Variants in KIAA0825 observed in about 807,000 individuals in gnomAD.
KIAA0825 encodes KIAA0825.
In KIAA0825, 119 loss-of-function variants were observed where a neutral mutation model predicts 147.6. The observed-to-expected ratio is 0.81, with a 90% CI of 0.69 to 0.94. The LOEUF is 0.94. Among genes scored for constraint, KIAA0825 ranks in the 40% least tolerant of loss-of-function variants. The pLI is 0.00. For synonymous variants in KIAA0825, 470 were observed against 518.1 expected (o/e 0.91, Z 1.26); for missense variants, 1,381 against 1,472.7 (o/e 0.94, Z 1.02).
chr5:94,464,190 G>A (rs1760205106), intron 11 of KIAA0825, among the ~76,000 whole-genome samples: 1 of 151,168 alleles, frequency 6.6e-6, no homozygotes, highest in South Asian at 2.1e-4. Context: ...CAAAACAAAA[G>A]GCTTTTCTTC....
chr5:94,610,435 AAAAAAG>A (rs1160157627), intron 1 of KIAA0825, among the ~76,000 whole-genome samples: 38 of 149,114 alleles, frequency 2.5e-4, no homozygotes, highest in East Asian at 7.9e-4. Context: ...TCAAAAAAAA[AAAAAAG>A]AAAAAGAAAA....
chr5:94,597,601 T>A (rs1785541454), intron 1 of KIAA0825, among the ~76,000 whole-genome samples: 1 of 152,170 alleles, frequency 6.6e-6, no homozygotes, highest in African/African-American at 2.4e-5. Flanking sequence ...TACCCTGATA[T>A]CCAAGACAAA....
chr5:94,177,669 C>A (rs547165364), intron 20 of KIAA0825, among the ~76,000 whole-genome samples: 1 of 152,124 alleles, frequency 6.6e-6, no homozygotes, highest in East Asian at 1.9e-4. Flanking sequence ...GGTTGAATGG[C>A]TGCGTATTAT....
intron 20 of KIAA0825, among the ~76,000 whole-genome samples, chr5:94,328,470 A>C (rs1246604576): frequency 1.3e-5 from 2 of 152,058 alleles, no homozygotes; most frequent in Non-Finnish European, 2.9e-5. Flanking sequence ...AAGTGAATAG[A>C]GATTGATATT....
At chr5:94,166,966 C>T (rs939299274) in intron 20 of KIAA0825, among the ~76,000 whole-genome samples, 8 of 151,944 alleles carry the variant, frequency 5.3e-5, no homozygotes, top group Non-Finnish European at 8.8e-5. Flanking sequence ...TTGAGAATAA[C>T]GTTATGAGTA....
At chr5:94,271,067 G>A (rs1776959132) in intron 20 of KIAA0825, among the ~76,000 whole-genome samples, 1 of 152,036 alleles carries the variant, frequency 6.6e-6, no homozygotes, top group Non-Finnish European at 1.5e-5. Context: ...TATTTTACTA[G>A]ACAATTTGAA....
chr5:94,540,758 G>T (rs902597088), intron 2 of KIAA0825, among the ~76,000 whole-genome samples: 2 of 152,152 alleles, frequency 1.3e-5, no homozygotes, highest in Non-Finnish European at 2.9e-5. Flanking sequence ...TAAACATTGG[G>T]TCTAAATTAT....
At chr5:94,323,217 G>A (rs951313541) in intron 20 of KIAA0825, among the ~76,000 whole-genome samples, 5 of 151,818 alleles carry the variant, frequency 3.3e-5, no homozygotes, top group African/African-American at 9.7e-5. Flanking sequence ...AAATCATGAT[G>A]CCATCTGGTT....
intron 20 of KIAA0825, among the ~76,000 whole-genome samples, chr5:94,246,440 C>T (rs973973800): frequency 4.6e-5 from 7 of 152,000 alleles, no homozygotes; most frequent in African/African-American, 1.5e-4. Flanking sequence ...TTTACCACAC[C>T]GTAACCAGAT....
At chr5:94,404,911 G>T (rs1025283460) in intron 15 of KIAA0825, among the ~76,000 whole-genome samples, 1 of 152,106 alleles carries the variant, frequency 6.6e-6, no homozygotes, top group Non-Finnish European at 1.5e-5. Context: ...GGTGACAAGG[G>T]CTGGACAAGA....
intron 20 of KIAA0825, among the ~76,000 whole-genome samples, chr5:94,322,070 A>G (rs555075797): frequency 2.8e-4 from 43 of 151,978 alleles, no homozygotes; most frequent in Admixed American, 9.2e-4. Context: ...ATGTGTTTTT[A>G]GGGTCCTTAA....
At chr5:94,411,772 C>A (rs115610034) in intron 15 of KIAA0825, among the ~76,000 whole-genome samples, 1 of 152,048 alleles carries the variant, frequency 6.6e-6, no homozygotes, top group Non-Finnish European at 1.5e-5. Flanking sequence ...CATAGTGAGA[C>A]CCCACTTCTA....
chr5:94,513,843 GA>G (rs567064770), intron 5 of KIAA0825, among the ~76,000 whole-genome samples: 143 of 131,114 alleles, frequency 1.1e-3, no homozygotes, highest in Middle Eastern at 3.8e-3. Context: ...AGAAAGAATT[GA>G]AAAAAAAAAA....
chr5:94,253,867 A>AT (rs1318086920), intron 20 of KIAA0825, among the ~76,000 whole-genome samples: 3 of 152,120 alleles, frequency 2.0e-5, no homozygotes, highest in Non-Finnish European at 4.4e-5. Flanking sequence ...GTGTTAAGGC[A>AT]TTTTTTATTT....
intron 20 of KIAA0825, among the ~76,000 whole-genome samples, chr5:94,203,772 T>C (rs1242172727): frequency 6.6e-6 from 1 of 152,176 alleles, no homozygotes; most frequent in Non-Finnish European, 1.5e-5. Flanking sequence ...CCATATATTT[T>C]ATGCTAACAA....
intron 20 of KIAA0825, among the ~76,000 whole-genome samples, chr5:94,266,281 A>G (rs995748950): frequency 1.3e-5 from 2 of 152,222 alleles, no homozygotes. Context: ...CAGTGGTGAG[A>G]TTAACAGTTA....
intron 1 of KIAA0825, among the ~76,000 whole-genome samples, chr5:94,600,801 G>A (rs1388092463): frequency 6.6e-6 from 1 of 152,212 alleles, no homozygotes; most frequent in African/African-American, 2.4e-5. Context: ...CTACAAAAGT[G>A]TGACCAGATT....
intron 20 of KIAA0825, among the ~76,000 whole-genome samples, chr5:94,342,221 G>C (rs1269764567): frequency 6.6e-6 from 1 of 151,680 alleles, no homozygotes; most frequent in Non-Finnish European, 1.5e-5. Context: ...CAACCTGAAG[G>C]ATTTGCACCA....
chr5:94,327,239 C>G (rs1780789728), intron 20 of KIAA0825, among the ~76,000 whole-genome samples: 1 of 151,882 alleles, frequency 6.6e-6, no homozygotes, highest in Non-Finnish European at 1.5e-5. Context: ...TCTATGTACT[C>G]TTCAGTTCCT....
Sources: allele counts gnomAD v4.1 joint callset (sites outside exome capture counted in the v4.1 genomes callset), GRCh38; gene constraint gnomAD v4.1.1; transcripts MANE v1.5; gene names NCBI Gene and HGNC (gene_info 2026-07-23, HGNC 2026-07-21).